Variants in EPHA2 observed in about 807,000 individuals in gnomAD.
The protein encoded by EPHA2 is ephrin type-A receptor 2.
A neutral mutation model predicts 104.9 loss-of-function variants in EPHA2; 54 were observed. That is an observed-to-expected ratio of 0.51 (90% CI 0.41 to 0.65). EPHA2 has a LOEUF of 0.65. EPHA2 is among the 30% of genes least tolerant of loss of function. The pLI is 0.00. For missense variants in EPHA2, 1,117 were observed against 1,369.5 expected (o/e 0.82, Z 2.91); for synonymous variants, 560 against 559.1 (o/e 1.00, Z -0.02).
Position 16,138,019 on chromosome 1 carries a change from A to C in EPHA2, c.1146T>G (p.Ser382Arg), listed in dbSNP as rs1186185948. ...ESGECGPCEA[S>R]VRYSEPPHGL... The stretch of plus-strand genomic sequence containing the variant: ...CGTGAGGAGGCTCCGAGTAGCGCAC[A>C]CTGGCCTCACACGGCCCGCATTCCC... Residue 382 changes from serine (S) to arginine (R), a missense_variant, in exon 5 of 17, where the codon AGT becomes AGG. Physicochemically the swap from Ser to Arg is moderately radical, Grantham distance 110. Transcript: ENST00000358432. 5 of 1,613,780 alleles carry C rather than the reference A, an allele frequency of 3.1e-6. No individual in the cohort carries two copies. The highest frequency in any genetic ancestry group is 3.4e-6 in the Non-Finnish European group (4 of 1,179,988).
chr1:16,133,550 G>T lies in EPHA2; in HGVS notation c.1795C>A (p.Gln599Lys), dbSNP rs2024620909. 3 of 1,614,128 alleles carry T rather than the reference G, an allele frequency of 1.9e-6. No individual in the cohort carries two copies. The highest frequency in any genetic ancestry group is 2.5e-6 in the Non-Finnish European group (3 of 1,179,984). Residue 599 changes from glutamine to lysine, a missense_variant, in exon 10 of 17, where the codon CAG becomes AAG. Around this residue, in one of 3 missense-constraint regions of EPHA2, gnomAD observed 113 missense variants for 104.3 expected, o/e 1.08. Transcript: ENST00000358432. ...TCGGTAGTGAACTTCAACACAGCCTGGTTGGGGTCCTCATATGTGTGGGGG... is the reference window on the plus strand; with the variant it reads ...TCGGTAGTGAACTTCAACACAGCCTTGTTGGGGTCCTCATATGTGTGGGGG... ...VDPHTYEDPNQAVLKFTTEIH... is the reference protein window; with the variant it reads ...VDPHTYEDPNKAVLKFTTEIH...
rs371542055 is a variant in EPHA2 at position 16,148,763 on chromosome 1, C to T, written c.438G>A (p.Ala146=). ...KRLFTKIDTI[A]PDEITVSSDF... ...CGCTGCTGACGGTGATCTCATCGGG[C>T]GCAATGGTGTCAATCTTGGTGAACA... The change falls in exon 3 of 17, where the codon GCG becomes GCA. Residue 146 remains alanine, a synonymous_variant. Coordinates refer to ENST00000358432, the MANE Select transcript of EPHA2 (RefSeq NM_004431.5). This position sits in a 1 kb window ranked among gnomAD's most constrained non-coding sequence, Gnocchi z 4.9. 47 of 1,614,040 alleles carry T rather than the reference C, an allele frequency of 2.9e-5. No individual in the cohort carries two copies. The highest frequency in any genetic ancestry group is 8.0e-5 in the African/African-American group (6 of 75,060).
intron 16 of EPHA2, among the ~76,000 whole-genome samples, chr1:16,126,351 C>T (rs970419946): frequency 1.3e-5 from 2 of 152,160 alleles, no homozygotes; most frequent in East Asian, 1.9e-4. Flanking sequence ...TTTTATGGGC[C>T]GACTTTTGGC....
In EPHA2 at chr1:16,148,718, C is replaced by T. The variant is rs2024981383; in HGVS notation, c.483G>A (p.Val161=). 1.2e-6 allele frequency: 2 copies of T among 1,613,448 alleles called. No individual in the cohort carries two copies. Among genetic ancestry groups the T allele is most frequent in the Admixed American group, 1.7e-5 (1 of 60,014 alleles). The change falls in exon 3 of 17, where the codon GTG becomes GTA. Residue 161 remains valine, a synonymous_variant. Coordinates refer to ENST00000358432, the MANE Select transcript of EPHA2 (RefSeq NM_004431.5). The surrounding 1 kb of genome is among the most constrained non-coding windows in gnomAD (Gnocchi z 4.9). ...TVSSDFEARH[V]KLNVEERSVG... The stretch of plus-strand genomic sequence containing the variant: ...CGGAGCGCTCCTCCACGTTCAGCTT[C>T]ACGTGGCGTGCCTCGAAGTCGCTGC...
intron 3 of EPHA2, among the ~76,000 whole-genome samples, chr1:16,139,656 G>A (rs2024785515): frequency 6.6e-6 from 1 of 152,246 alleles, no homozygotes; most frequent in Non-Finnish European, 1.5e-5. Flanking sequence ...TTCAGAGGCT[G>A]CATAGGAGTT....
At position 16,149,012 on chromosome 1, in the gene EPHA2, C is replaced by A. The variant is rs144914242; in HGVS notation, c.189G>T (p.Pro63=). ...CGTTGCACACGGAGTACATGTAGAT[C>A]GGCATGTCATTCATGATGTTCTGCA... The part of the protein sequence containing the change: ...DLMQNIMNDM[P]IYMYSVCNVM... The change falls in exon 3 of 17, where the codon CCG becomes CCT. Residue 63 remains proline, a synonymous_variant. Coordinates refer to ENST00000358432, the MANE Select transcript of EPHA2 (RefSeq NM_004431.5). 1.2e-6 allele frequency: 2 copies of A among 1,613,860 alleles called. No homozygotes were observed. The highest frequency in any genetic ancestry group is 1.1e-5 in the South Asian group (1 of 91,070).
chr1:16,147,152 C>T (rs540518023), intron 3 of EPHA2, among the ~76,000 whole-genome samples: 61 of 152,372 alleles, frequency 4.0e-4, no homozygotes, highest in African/African-American at 1.4e-3. Flanking sequence ...GGCCACACCA[C>T]GCCACGGCTT....
At position 16,148,550 on chromosome 1, in the gene EPHA2, G is replaced by A. The variant is rs2024976584; in HGVS notation, c.651C>T (p.Gly217=). ...CAGTGGCCAGGGAAGGTGCATCAGA[G>A]CCGGCGATGGTCTCAGGGAAGTGGG... ...GLAHFPETIA[G]SDAPSLATVA... The change falls in exon 3 of 17, where the codon GGC becomes GGT. Residue 217 remains glycine, a synonymous_variant. Coordinates refer to ENST00000358432, the MANE Select transcript of EPHA2 (RefSeq NM_004431.5). The surrounding 1 kb of genome is among the most constrained non-coding windows in gnomAD (Gnocchi z 4.9). 6.2e-7 allele frequency: 1 copy of A among 1,612,914 alleles called. No individual in the cohort carries two copies. Among genetic ancestry groups the A allele is most frequent in the South Asian group, 1.1e-5 (1 of 91,090 alleles).
At chr1:16,138,525 C>A in intron 3 of EPHA2, 95 bp from the exon 4 acceptor site, 1 of 1,572,280 alleles carries the variant, frequency 6.4e-7, no homozygotes, top group Non-Finnish European at 8.7e-7. Context: ...GACCCCTGCC[C>A]TGCAAGCAGG....
Position 16,135,730 on chromosome 1 carries a change from C to T in EPHA2, c.1353G>A (p.Ser451=), listed in dbSNP as rs372348376. The change falls in exon 6 of 17, where the codon TCG becomes TCA. Residue 451 remains serine, a synonymous_variant. Coordinates refer to ENST00000358432, the MANE Select transcript of EPHA2 (RefSeq NM_004431.5). The surrounding 1 kb of genome is among the most constrained non-coding windows in gnomAD (Gnocchi z 4.3). The stretch of plus-strand genomic sequence containing the variant: ...GGGGGATGCTCCAGGAGACGCTAAG[C>T]GAGGTGGTGCTGCGGCCCTCCAGCC... ...KVRLEGRSTT[S]LSVSWSIPPP... is the part of the protein sequence containing the mutation. 1.5e-5 allele frequency: 25 copies of T among 1,613,384 alleles called. No individual in the cohort carries two copies. In the East Asian group the frequency reaches 2.2e-4, roughly 14 times the overall value.
intron 16 of EPHA2, 130 bp downstream of exon 16, chr1:16,129,304 C>T: frequency 8.6e-7 from 1 of 1,156,254 alleles, no homozygotes; most frequent in Non-Finnish European, 1.2e-6. Context: ...TTCCAAGGAG[C>T]CTCTTCCCAG....
chr1:16,132,747 C>T (rs1285957532), intron 11 of EPHA2, among the ~76,000 whole-genome samples: 11 of 139,712 alleles, frequency 7.9e-5, no homozygotes, highest in Non-Finnish European at 1.2e-4. Flanking sequence ...GAGGTGGGCA[C>T]GGGTGTAAGG....
At chr1:16,132,717 G>A (rs1015628671) in intron 11 of EPHA2, among the ~76,000 whole-genome samples, 4 of 150,124 alleles carry the variant, frequency 2.7e-5, no homozygotes, top group Non-Finnish European at 5.9e-5. Context: ...GTGTAGAGGA[G>A]GTGGGTACAA....
chr1:16,137,839 C>A lies in EPHA2; in HGVS notation c.1312+14G>T, dbSNP rs1557508151. 1 of 1,613,410 alleles carries A rather than the reference C, an allele frequency of 6.2e-7. No individual in the cohort carries two copies. Among genetic ancestry groups the A allele is most frequent in the Non-Finnish European group, 8.5e-7 (1 of 1,179,860 alleles). Reference sequence around the variant, plus strand: ...CAGGCCCCATAGGGCACAGCTGCCACCCCTGGACCTCACCTGTCTGGTTGA... The same window carrying A: ...CAGGCCCCATAGGGCACAGCTGCCAACCCTGGACCTCACCTGTCTGGTTGA... On this transcript the variant is annotated intron_variant, in intron 5 of 16. Coordinates refer to ENST00000358432, the MANE Select transcript of EPHA2 (RefSeq NM_004431.5).
At position 16,134,597 on chromosome 1, in the gene EPHA2, G is replaced by A. The variant is rs759923973; in HGVS notation, c.1583-30C>T. ...TGGAAGAAATCAGCTGATGACAAGG[G>A]AGTTCCCCCACAAATTACAGCAACA... is the stretch of plus-strand genomic sequence containing the variant. On this transcript the variant is annotated intron_variant, in intron 7 of 16. Coordinates refer to ENST00000358432, the MANE Select transcript of EPHA2 (RefSeq NM_004431.5). This position sits in a 1 kb window ranked among gnomAD's most constrained non-coding sequence, Gnocchi z 4.5. 3.1e-6 allele frequency: 5 copies of A among 1,610,248 alleles called. No homozygotes were observed. The highest frequency in any genetic ancestry group is 4.2e-6 in the Non-Finnish European group (5 of 1,177,628).
At chr1:16,137,129 G>A (rs1442499040) in intron 5 of EPHA2, among the ~76,000 whole-genome samples, 1 of 152,082 alleles carries the variant, frequency 6.6e-6, no homozygotes, top group Non-Finnish European at 1.5e-5. Flanking sequence ...CCACTTTACA[G>A]GGGAGAACAT....
At chr1:16,136,757 A>AGAG (rs1557507313) in intron 5 of EPHA2, among the ~76,000 whole-genome samples, 1 of 145,652 alleles carries the variant, frequency 6.9e-6, no homozygotes, top group African/African-American at 2.7e-5. Flanking sequence ...AAGAAGAAGA[A>AGAG]GAAGAAGAAG....
chr1:16,132,004 G>A lies in EPHA2; in HGVS notation c.2325+60C>T, dbSNP rs186705552. 69 of 1,612,550 alleles carry A rather than the reference G, an allele frequency of 4.3e-5. No homozygotes were observed. In the East Asian group the frequency reaches 1.5e-3, roughly 36 times the overall value. ...TGAAGCACTGCCCAGGTGTGCAGGT[G>A]AGAGGACACCATGCAGGGCGAAGGC... is the stretch of plus-strand genomic sequence containing the variant. On this transcript the variant is annotated intron_variant, in intron 13 of 16. Coordinates refer to ENST00000358432, the MANE Select transcript of EPHA2 (RefSeq NM_004431.5).
At chr1:16,141,487 A>G (rs2024823682) in intron 3 of EPHA2, among the ~76,000 whole-genome samples, 1 of 152,246 alleles carries the variant, frequency 6.6e-6, no homozygotes, top group Non-Finnish European at 1.5e-5. Context: ...AGTTCCCCCA[A>G]ATGCCCTGAC....
Sources: gnomAD v4.1 joint callset for allele counts (sites outside exome capture counted in the v4.1 genomes callset) on GRCh38, gnomAD v4.1.1 for gene constraint, gnomAD v4.1.1 regional missense constraint, Gnocchi (gnomAD v3.1) non-coding constraint, MANE v1.5 for transcripts, NCBI Gene and HGNC (gene_info 2026-07-23, HGNC 2026-07-21) for gene names.